The following OPCML variants were observed in gnomAD, a reference collection of about 807,000 sequenced individuals.
OPCML encodes the protein opioid-binding protein/cell adhesion molecule.
OPCML carries 13 observed loss-of-function variants against 37.8 expected under a neutral mutation model. The observed-to-expected ratio is 0.34, with a 90% confidence interval of 0.22 to 0.55. The LOEUF is 0.55. OPCML is among the 20% of genes least tolerant of loss of function. The pLI, the probability that OPCML is intolerant of heterozygous loss-of-function variation, is 0.91. For missense variants in OPCML, 341 were observed against 435.6 expected (o/e 0.78, Z 1.93); for synonymous variants, 176 against 168.8 (o/e 1.04, Z -0.33).
At chr11:132,434,779 A>G (rs2096007733) in intron 7 of OPCML, among the ~76,000 whole-genome samples, 1 of 152,194 alleles carries the variant, frequency 6.6e-6, no homozygotes, top group Admixed American at 6.5e-5. Flanking sequence ...TAAAACATTC[A>G]TAGTAGGGTG....
intron 1 of OPCML, among the ~76,000 whole-genome samples, chr11:133,253,482 G>T (rs1251430643): frequency 6.6e-6 from 1 of 152,078 alleles, no homozygotes; most frequent in East Asian, 1.9e-4. Flanking sequence ...GCTAATTTTT[G>T]TATTTTTAGT....
chr11:133,458,248 A>ATATATACACGTGTGTG (rs1946729619), intron 1 of OPCML, among the ~76,000 whole-genome samples: 1 of 68,368 alleles, frequency 1.5e-5, no homozygotes, highest in Non-Finnish European at 2.5e-5. Context: ...ATATATACAC[A>ATATATACACGTGTGTG]TATATATACA....
chr11:132,834,592 C>G (rs1311398305), intron 2 of OPCML, among the ~76,000 whole-genome samples: 1 of 152,242 alleles, frequency 6.6e-6, no homozygotes, highest in East Asian at 1.9e-4. Flanking sequence ...CTGCCTCTGT[C>G]TTTACAGACT....
At chr11:133,497,157 T>C (rs1947804167) in intron 1 of OPCML, among the ~76,000 whole-genome samples, 1 of 152,190 alleles carries the variant, frequency 6.6e-6, no homozygotes, top group African/African-American at 2.4e-5. Context: ...TATTCTTATG[T>C]TTGGTCGTTT....
At chr11:133,362,320 G>A (rs898121041) in intron 1 of OPCML, 1 of 152,310 alleles carries the variant, frequency 6.6e-6, no homozygotes, top group Non-Finnish European at 1.5e-5. Flanking sequence ...GGGGCTGCAA[G>A]GCGCAACCTG....
chr11:133,257,848 C>CT (rs5795832), intron 1 of OPCML, among the ~76,000 whole-genome samples: 43,703 of 145,740 alleles, frequency 0.3, 7,342 homozygotes, highest in East Asian at 0.79. Flanking sequence ...GTCTTTCTAT[C>CT]TTTTTTTTTT....
intron 1 of OPCML, among the ~76,000 whole-genome samples, chr11:133,070,283 C>G (rs558564371): frequency 6.6e-6 from 1 of 152,140 alleles, no homozygotes; most frequent in African/African-American, 2.4e-5. Context: ...CAAAGGCTGT[C>G]GTGTCTTTCA....
intron 1 of OPCML, chr11:133,024,665 A>AAG: frequency 3.5e-6 from 3 of 862,682 alleles, no homozygotes; most frequent in Non-Finnish European, 4.2e-6. Context: ...GACAGTGGTG[A>AAG]AGATGTTTGG....
chr11:132,679,584 C>T (rs752285644), intron 2 of OPCML, among the ~76,000 whole-genome samples: 13 of 151,920 alleles, frequency 8.6e-5, no homozygotes, highest in Admixed American at 1.3e-4. Flanking sequence ...CCTAAGATTG[C>T]GAAGGAAAGA....
chr11:132,908,975 C>A (rs529618942), intron 2 of OPCML, among the ~76,000 whole-genome samples: 1 of 152,294 alleles, frequency 6.6e-6, no homozygotes, highest in East Asian at 1.9e-4. Context: ...CAAGCCCTGG[C>A]AAACCCCGGA....
Position 133,099,442 on chromosome 11 carries a change from C to CTTTTTTT in OPCML, c.62-156439_62-156433dup, listed in dbSNP as rs35161811. ...CACACCTGGCTAATTTTCTTTTTTT[C>CTTTTTTT]TTTTTTTTTTTTTTTTTTGTATTTT... On this transcript the variant is annotated intron_variant, in intron 1 of 7. Transcript: ENST00000524381. Among the ~76,000 whole-genome samples, 278 of 119,064 alleles carry CTTTTTTT rather than the reference C, an allele frequency of 2.3e-3. 2 individuals carry two copies. The highest frequency in any genetic ancestry group is 3.8e-3 in the East Asian group (16 of 4,172). The allele number at this position is 119,064 out of a possible 152,430, so 78.1% of individuals were successfully genotyped here.
chr11:132,462,515 C>T (rs894869419), intron 4 of OPCML, among the ~76,000 whole-genome samples: 3 of 152,114 alleles, frequency 2.0e-5, no homozygotes, highest in Non-Finnish European at 2.9e-5. Context: ...GAGCTGGAAG[C>T]GAGTGGCATT....
intron 1 of OPCML, among the ~76,000 whole-genome samples, chr11:133,439,600 T>C (rs1236227823): frequency 6.6e-6 from 1 of 152,082 alleles, no homozygotes; most frequent in Non-Finnish European, 1.5e-5. Flanking sequence ...CCCGAGTGGC[T>C]GGGACTACAG....
rs201488204 is a variant in OPCML at position 133,140,587 on chromosome 11, A to G, written c.62-197577T>C. 1.5e-3 allele frequency among the ~76,000 whole-genome samples: 194 copies of G among 131,838 alleles called. 1 individual carries two copies. The highest frequency in any genetic ancestry group is 5.2e-3 in the South Asian group (21 of 4,046). The allele number at this position is 131,838 out of a possible 152,430, so 86.5% of individuals were successfully genotyped here. On this transcript the variant is annotated intron_variant, in intron 1 of 7. Transcript: ENST00000524381. ...AAGAAGAAGAAGAAGAAAGAAGAAA[A>G]AAGAAAGAAGAAAGAAGAAAGAGAA...
intron 2 of OPCML, among the ~76,000 whole-genome samples, chr11:132,828,560 A>T (rs1002102636): frequency 6.7e-6 from 1 of 149,984 alleles, no homozygotes; most frequent in African/African-American, 2.5e-5. Flanking sequence ...TAAAAAAAAA[A>T]GTCTATTTAT....
intron 1 of OPCML, among the ~76,000 whole-genome samples, chr11:133,182,843 C>T (rs1378021466): frequency 6.6e-6 from 1 of 152,124 alleles, no homozygotes; most frequent in Non-Finnish European, 1.5e-5. Flanking sequence ...CTGCTGAGAA[C>T]CGTCATAGAT....
At chr11:132,633,202 GCTCT>G (rs905697656) in intron 3 of OPCML, among the ~76,000 whole-genome samples, 24 of 152,076 alleles carry the variant, frequency 1.6e-4, no homozygotes, top group African/African-American at 5.1e-4. Context: ...ACAATCGGTA[GCTCT>G]CTCTCTTTTT....
At chr11:132,421,854 G>A (rs934901837) in intron 7 of OPCML, among the ~76,000 whole-genome samples, 8 of 152,150 alleles carry the variant, frequency 5.3e-5, no homozygotes, top group Non-Finnish European at 1.2e-4. Context: ...CCTGCAGAAT[G>A]CACTGAGCTA....
intron 1 of OPCML, among the ~76,000 whole-genome samples, chr11:133,115,767 A>G (rs1448412136): frequency 6.6e-6 from 1 of 152,136 alleles, no homozygotes; most frequent in African/African-American, 2.4e-5. Flanking sequence ...GAAAAACATG[A>G]TAAAATATCT....
Sources: allele counts gnomAD v4.1 joint callset (sites outside exome capture counted in the v4.1 genomes callset), GRCh38; gene constraint gnomAD v4.1.1; transcripts MANE v1.5; gene names NCBI Gene and HGNC (gene_info 2026-07-23, HGNC 2026-07-21).